Variants in DDX31 observed in about 807,000 individuals in gnomAD.
DDX31 encodes the protein DEAD-box helicase 31.
A neutral mutation model predicts 91.3 loss-of-function variants in DDX31; 70 were observed. That is an observed-to-expected ratio of 0.77 (90% CI 0.63 to 0.94). The LOEUF (loss-of-function observed/expected upper bound fraction) is 0.94, where lower values mean the gene tolerates loss of function less well. Ranked by LOEUF, DDX31 falls within the 40% of genes least tolerant of loss-of-function variation. The pLI, the probability that DDX31 is intolerant of heterozygous loss-of-function variation, is 0.00. For synonymous variants in DDX31, 362 were observed against 350.6 expected (o/e 1.03, Z -0.36); for missense variants, 902 against 925.0 (o/e 0.98, Z 0.32).
In DDX31 at chr9:132,603,314, G is replaced by A. The variant is rs577693364; in HGVS notation, c.1995-8202C>T. Among the ~76,000 whole-genome samples, 98 of 152,288 alleles carry A rather than the reference G, an allele frequency of 6.4e-4. 1 individual carries two copies. The South Asian group carries it at 0.012, about 19-fold the overall frequency. On this transcript the variant is annotated intron_variant, in intron 19 of 19. Transcript: ENST00000372159. ...CCGTAGCTATAACATTGGGACCAAC[G>A]TGGAGATATCTGAAAAAGACTTGAA...
In DDX31 at chr9:132,630,303, T is replaced by G. The variant is rs766931553; in HGVS notation, c.1592A>C (p.Glu531Ala). 2 of 1,594,140 alleles carry G rather than the reference T, an allele frequency of 1.3e-6. No individual in the cohort carries two copies. Among genetic ancestry groups the G allele is most frequent in the Admixed American group, 3.4e-5 (2 of 59,622 alleles). Residue 531 changes from glutamate to alanine, a missense_variant, in exon 16 of 20, where the codon GAG (glutamate) becomes GCG (alanine). By Grantham distance (107) the Glu-to-Ala change is moderately radical (BLOSUM62 -1). Coordinates refer to ENST00000372159, the MANE Select transcript of DDX31 (RefSeq NM_022779.9). ...GSSLLILAPS[E>A]AEYVNSLASH... ...AGCCAACGAGTTGACATATTCTGCC[T>G]CCGAAGGAGCCAAAATGAGCAGGCT...
intron 17 of DDX31, among the ~76,000 whole-genome samples, chr9:132,623,907 C>A (rs1234777240): frequency 6.6e-6 from 1 of 152,148 alleles, no homozygotes; most frequent in Non-Finnish European, 1.5e-5. Flanking sequence ...TGGCTCACAC[C>A]TGTAATCCCA....
intron 14 of DDX31, among the ~76,000 whole-genome samples, chr9:132,640,605 T>TCC (rs1395980297): frequency 6.6e-6 from 1 of 152,114 alleles, no homozygotes; most frequent in Non-Finnish European, 1.5e-5. Flanking sequence ...CAAGTGATCC[T>TCC]CCCGACTCAG....
intron 19 of DDX31, among the ~76,000 whole-genome samples, chr9:132,597,655 A>C (rs2119175360): frequency 6.6e-6 from 1 of 152,352 alleles, no homozygotes; most frequent in African/African-American, 2.4e-5. Flanking sequence ...CTGCGGGAGC[A>C]TCTTCCAGGC....
chr9:132,638,694 C>G (rs1302956849), intron 14 of DDX31, among the ~76,000 whole-genome samples: 1 of 152,142 alleles, frequency 6.6e-6, no homozygotes, highest in African/African-American at 2.4e-5. Flanking sequence ...TTGCGAGCTG[C>G]ATGAAACTAA....
intron 14 of DDX31, among the ~76,000 whole-genome samples, 165 bp from the exon 15 acceptor site, chr9:132,632,256 A>ACACACACACACACAGTCCTG (rs1832813283): frequency 2.8e-5 from 3 of 109,008 alleles, no homozygotes; most frequent in Middle Eastern, 4.0e-3. Context: ...ACACACACAC[A>ACACACACACACACAGTCCTG]CACACACACA....
chr9:132,646,115 T>C, intron 12 of DDX31, 44 bp from the exon 13 acceptor site: 1 of 1,588,444 alleles, frequency 6.3e-7, no homozygotes, highest in Non-Finnish European at 8.6e-7. Context: ...ATTTTAAGAT[T>C]AGGTGACGCC....
Position 132,595,444 on chromosome 9 carries a change from A to G in DDX31, c.1995-332T>C, listed in dbSNP as rs1286573380. Among the ~76,000 whole-genome samples the G allele has an allele frequency of 6.6e-6, 1 of 152,204 alleles. No individual in the cohort carries two copies. The highest frequency in any genetic ancestry group is 2.4e-5 in the African/African-American group (1 of 41,448). ...ATGATACAGCGGTTTGCCAAAGGACAGGGAAAAACCCACCGTCACACTCAA... is the reference window on the plus strand; with the variant it reads ...ATGATACAGCGGTTTGCCAAAGGACGGGGAAAAACCCACCGTCACACTCAA... On this transcript the variant is annotated intron_variant, in intron 19 of 19. Coordinates refer to ENST00000372159, the MANE Select transcript of DDX31 (RefSeq NM_022779.9). This position sits in a 1 kb window ranked among gnomAD's most constrained non-coding sequence, Gnocchi z 4.6.
At chr9:132,666,200 T>C (rs1835296658) in intron 1 of DDX31, among the ~76,000 whole-genome samples, 1 of 152,228 alleles carries the variant, frequency 6.6e-6, no homozygotes, top group African/African-American at 2.4e-5. Context: ...TGCAGTGTCA[T>C]CTCGGTCATG....
chr9:132,632,366 TA>T (rs1832845488), intron 14 of DDX31, among the ~76,000 whole-genome samples: 1 of 150,890 alleles, frequency 6.6e-6, no homozygotes, highest in African/African-American at 2.4e-5. Flanking sequence ...AATTCTGATT[TA>T]GGGGCAAATT....
intron 19 of DDX31, among the ~76,000 whole-genome samples, chr9:132,596,498 T>C (rs1830440719): frequency 6.6e-6 from 1 of 152,198 alleles, no homozygotes; most frequent in Non-Finnish European, 1.5e-5. Flanking sequence ...GGGCAGGATG[T>C]AGTGAGAAGA....
At chr9:132,643,347 A>C (rs920504814) in intron 13 of DDX31, among the ~76,000 whole-genome samples, 1 of 152,230 alleles carries the variant, frequency 6.6e-6, no homozygotes, top group Admixed American at 6.5e-5. Flanking sequence ...ACCTGTCAGC[A>C]GCAAATACAA....
Position 132,615,666 on chromosome 9 carries a change from G to A in DDX31, c.1825+2664C>T, listed in dbSNP as rs1474560513. The stretch of plus-strand genomic sequence containing the variant: ...AGATGGAGAGGATTAAGCCACAGAA[G>A]CAATGGTCATTTGCAGGCAGAGGAC... On this transcript the variant is annotated intron_variant, in intron 18 of 19. Transcript: ENST00000372159. 2.0e-5 allele frequency among the ~76,000 whole-genome samples: 3 copies of A among 152,224 alleles called. No homozygotes were observed. In the East Asian group the frequency reaches 5.8e-4, roughly 29 times the overall value.
At chr9:132,625,345 G>A (rs1832329027) in intron 17 of DDX31, among the ~76,000 whole-genome samples, 1 of 152,034 alleles carries the variant, frequency 6.6e-6, no homozygotes, top group Non-Finnish European at 1.5e-5. Flanking sequence ...AATCTGGACA[G>A]GGACCACCGG....
At chr9:132,632,148 C>T in intron 14 of DDX31, 57 bp from the exon 15 acceptor site, 2 of 1,538,106 alleles carry the variant, frequency 1.3e-6, no homozygotes, top group South Asian at 1.2e-5. Context: ...TTCTGGGGTC[C>T]TGGATATGTT....
intron 6 of DDX31, 87 bp from the exon 7 acceptor site, chr9:132,652,579 G>C: frequency 6.6e-7 from 1 of 1,512,950 alleles, no homozygotes; most frequent in Non-Finnish European, 9.1e-7. Flanking sequence ...GCCGGTTGTA[G>C]AACATCAGAA....
At chr9:132,643,461 G>A (rs566351134) in intron 13 of DDX31, among the ~76,000 whole-genome samples, 6 of 152,314 alleles carry the variant, frequency 3.9e-5, no homozygotes, top group East Asian at 1.9e-4. Flanking sequence ...TTTCCTGTGC[G>A]TAGATTTTGT....
intron 19 of DDX31, among the ~76,000 whole-genome samples, chr9:132,610,427 T>C (rs921622993): frequency 6.6e-6 from 1 of 152,188 alleles, no homozygotes; most frequent in East Asian, 1.9e-4. Context: ...GTGAGAGTTA[T>C]TAGTATCAGA....
In DDX31 at chr9:132,662,994, G is replaced by C. The variant is rs141719843; in HGVS notation, c.76-299C>G. Among the ~76,000 whole-genome samples, 550 of 152,326 alleles carry C rather than the reference G, an allele frequency of 3.6e-3. 3 individuals carry two copies. Among genetic ancestry groups the C allele is most frequent in the African/African-American group, 0.013 (527 of 41,574 alleles). The stretch of plus-strand genomic sequence containing the variant: ...AGGATGAAGAAGCAGCATTTTTCCA[G>C]TTGAATGTTAACTAATGGAGTCTGT... On this transcript the variant is annotated intron_variant, in intron 1 of 19. Coordinates refer to ENST00000372159, the MANE Select transcript of DDX31 (RefSeq NM_022779.9).
Sources: allele counts gnomAD v4.1 joint callset (sites outside exome capture counted in the v4.1 genomes callset), GRCh38; gene constraint gnomAD v4.1.1; non-coding constraint Gnocchi (gnomAD v3.1); transcripts MANE v1.5; gene names NCBI Gene and HGNC (gene_info 2026-07-23, HGNC 2026-07-21).